SLIT3: variants seen among roughly 807,000 people sequenced by gnomAD.
SLIT3 encodes slit guidance ligand 3, also known as slit homolog 3 protein.
SLIT3 carries 68 observed loss-of-function variants against 184.0 expected under a neutral mutation model. The ratio of observed to expected loss-of-function variants is 0.37; its 90% CI spans 0.30 to 0.45. The LOEUF is 0.45. Among genes scored for constraint, SLIT3 ranks in the 20% least tolerant of loss-of-function variants. The pLI, the probability that SLIT3 is intolerant of heterozygous loss-of-function variation, is 1.00. For synonymous variants in SLIT3, 831 were observed against 828.6 expected (o/e 1.00, Z -0.05); for missense variants, 1,707 against 2,026.0 (o/e 0.84, Z 3.02).
At chr5:168,820,516 C>T (rs556093238) in intron 7 of SLIT3, among the ~76,000 whole-genome samples, 6 of 152,318 alleles carry the variant, frequency 3.9e-5, no homozygotes, top group Admixed American at 6.5e-5. Flanking sequence ...AGGCCTGGCA[C>T]GCAGCAAACC....
chr5:168,856,552 G>C (rs1188927475), intron 5 of SLIT3, among the ~76,000 whole-genome samples: 2 of 152,096 alleles, frequency 1.3e-5, no homozygotes, highest in East Asian at 1.9e-4. Flanking sequence ...CAAGATTCAG[G>C]GGGGAAAATG....
chr5:169,240,652 A>G (rs1336905802), intron 3 of SLIT3, among the ~76,000 whole-genome samples: 1 of 130,626 alleles, frequency 7.7e-6, no homozygotes, highest in Non-Finnish European at 1.6e-5. Flanking sequence ...TGTAAAAAGT[A>G]TATGTTTGGT....
chr5:168,764,351 A>G (rs1205409238), intron 14 of SLIT3, among the ~76,000 whole-genome samples: 1 of 152,126 alleles, frequency 6.6e-6, no homozygotes, highest in African/African-American at 2.4e-5. Context: ...GGTTAGGATA[A>G]CTCTATTTTA....
chr5:168,684,542 T>C (rs950994198), intron 31 of SLIT3, among the ~76,000 whole-genome samples: 2 of 152,270 alleles, frequency 1.3e-5, no homozygotes, highest in South Asian at 4.1e-4. Context: ...CAGTCTTGGC[T>C]CACCGCAGCC....
chr5:168,955,396 C>T (rs1762792661), intron 4 of SLIT3, among the ~76,000 whole-genome samples: 1 of 152,216 alleles, frequency 6.6e-6, no homozygotes, highest in Admixed American at 6.5e-5. Flanking sequence ...GGTTAGGACT[C>T]AATTGCTCCC....
At chr5:169,254,225 G>A (rs764850401) in intron 1 of SLIT3, among the ~76,000 whole-genome samples, 8 of 152,200 alleles carry the variant, frequency 5.3e-5, no homozygotes, top group Non-Finnish European at 7.3e-5. Context: ...CAACACACGC[G>A]GTTAGAAATG....
At chr5:168,815,677 T>C (rs567142443) in intron 8 of SLIT3, among the ~76,000 whole-genome samples, 2 of 152,316 alleles carry the variant, frequency 1.3e-5, no homozygotes, top group South Asian at 2.1e-4. Context: ...ATAAATAACA[T>C]GGTAAAATAA....
chr5:169,038,168 C>T (rs1757320389), intron 4 of SLIT3, among the ~76,000 whole-genome samples: 1 of 152,136 alleles, frequency 6.6e-6, no homozygotes, highest in South Asian at 2.1e-4. Flanking sequence ...TGTCTAAATG[C>T]TTAATGTAAA....
chr5:168,805,920 C>T (rs1396666504), intron 9 of SLIT3, among the ~76,000 whole-genome samples: 2 of 152,174 alleles, frequency 1.3e-5, no homozygotes, highest in African/African-American at 4.8e-5. Context: ...ACTGAGGTGT[C>T]ATACTATAAT....
intron 4 of SLIT3, among the ~76,000 whole-genome samples, chr5:169,016,297 C>T (rs1189515269): frequency 2.0e-5 from 3 of 152,128 alleles, no homozygotes; most frequent in Non-Finnish European, 4.4e-5. Flanking sequence ...TGCACCAAGA[C>T]ACTTGGTCTA....
rs537976302 is a variant in SLIT3, at chr5:168,835,807, T to C, written c.557+8777A>G. On this transcript the variant is annotated intron_variant, in intron 6 of 35. Coordinates refer to ENST00000519560, the MANE Select transcript of SLIT3 (RefSeq NM_003062.4). Reference sequence around the variant, plus strand: ...GCCTGGGTGACAGAGCAAGACTCCATCTCAAAAAAAAAAAAAAATTTGTTT... The same window carrying C: ...GCCTGGGTGACAGAGCAAGACTCCACCTCAAAAAAAAAAAAAAATTTGTTT... Among the ~76,000 whole-genome samples, 57 of 115,050 alleles carry C rather than the reference T, an allele frequency of 5.0e-4. No homozygotes were observed. The Middle Eastern group carries it at 0.03, about 61-fold the overall frequency. The allele number at this position is 115,050 out of a possible 152,430, so 75.5% of individuals were successfully genotyped here. A position where few individuals can be genotyped will look rare whatever the true frequency, so the allele number is the denominator to read the frequency against.
intron 28 of SLIT3, among the ~76,000 whole-genome samples, chr5:168,694,609 T>C (rs10055464): frequency 2.1e-4 from 32 of 152,034 alleles, no homozygotes; most frequent in African/African-American, 7.2e-4. Flanking sequence ...CTCTCTTTCT[T>C]TATCTCTCTC....
chr5:169,159,569 A>G (rs1762412739), intron 4 of SLIT3, among the ~76,000 whole-genome samples: 1 of 152,180 alleles, frequency 6.6e-6, no homozygotes, highest in Non-Finnish European at 1.5e-5. Context: ...AGGTCAGCAC[A>G]TCGAGACCAC....
chr5:169,280,359 C>T (rs919719266), intron 1 of SLIT3, among the ~76,000 whole-genome samples: 5 of 151,994 alleles, frequency 3.3e-5, no homozygotes, highest in Admixed American at 1.3e-4. Flanking sequence ...TTCTTTTCTG[C>T]TATTTCTTTC....
At chr5:168,712,240 T>G in intron 24 of SLIT3, 43 bp downstream of exon 24, 1 of 1,555,756 alleles carries the variant, frequency 6.4e-7, no homozygotes, top group Non-Finnish European at 8.9e-7. Context: ...CTTTCATGCT[T>G]TCATGTTTTG....
chr5:169,192,465 A>T (rs1763589185), intron 4 of SLIT3, among the ~76,000 whole-genome samples: 3 of 150,542 alleles, frequency 2.0e-5, no homozygotes, highest in Admixed American at 6.8e-5. Context: ...GTATAGACAT[A>T]TAGAAATATA....
chr5:169,280,861 C>T (rs1247880773), intron 1 of SLIT3, among the ~76,000 whole-genome samples: 10 of 152,052 alleles, frequency 6.6e-5, no homozygotes, highest in Admixed American at 2.6e-4. Flanking sequence ...ATTTTTAAAA[C>T]GAGAACAGTC....
At chr5:169,184,960 T>G (rs1763285681) in intron 4 of SLIT3, among the ~76,000 whole-genome samples, 1 of 152,190 alleles carries the variant, frequency 6.6e-6, no homozygotes, top group Non-Finnish European at 1.5e-5. Context: ...TACAAGGCAA[T>G]TTAAATGTTG....
chr5:168,968,869 T>A (rs951992852), intron 4 of SLIT3, among the ~76,000 whole-genome samples: 1 of 152,156 alleles, frequency 6.6e-6, no homozygotes, highest in African/African-American at 2.4e-5. Flanking sequence ...TAAGTTACTG[T>A]ACCTCTCTGA....
Sources: gnomAD v4.1 joint callset for allele counts (sites outside exome capture counted in the v4.1 genomes callset) on GRCh38, gnomAD v4.1.1 for gene constraint, MANE v1.5 for transcripts, NCBI Gene and HGNC (gene_info 2026-07-23, HGNC 2026-07-21) for gene names.